RBFOX1: variants seen among roughly 807,000 people sequenced by gnomAD.
RBFOX1 encodes RNA binding fox-1 homolog 1, also known as RNA binding protein fox-1 homolog 1.
A neutral mutation model predicts 57.7 loss-of-function variants in RBFOX1; 8 were observed. The ratio of observed to expected loss-of-function variants is 0.14; its 90% CI spans 0.08 to 0.25. The LOEUF (loss-of-function observed/expected upper bound fraction) is 0.25. Ranked by LOEUF, RBFOX1 falls within the 10% of genes least tolerant of loss-of-function variation. The probability of loss-of-function intolerance (pLI) is 1.00; values close to 1 mark genes in which losing one functional copy is unlikely to be tolerated. For missense variants in RBFOX1, 611 were observed against 548.5 expected (o/e 1.11, Z -1.14); for synonymous variants, 326 against 222.4 (o/e 1.47, Z -4.15).
rs547710461 is a variant in RBFOX1 at position 5,369,197 on chromosome 16, T to C, written c.220-98019T>C. On this transcript the variant is annotated intron_variant, in intron 1 of 2. Coordinates refer to the RBFOX1 transcript ENST00000585867. ...TTGTATTTTTAGTGGAGACTGGGTT[T>C]TACCATGTTGGCCAGGATGGTCTTG... Among the ~76,000 whole-genome samples, 13 of 152,300 alleles carry C rather than the reference T, an allele frequency of 8.5e-5. No individual in the cohort carries two copies. The East Asian group carries it at 2.3e-3, about 27-fold the overall frequency.
At chr16:7,300,925 C>G (rs1372344829) in intron 4 of RBFOX1, among the ~76,000 whole-genome samples, 2 of 152,068 alleles carry the variant, frequency 1.3e-5, no homozygotes, top group Non-Finnish European at 2.9e-5. Context: ...CAGGGTGGCC[C>G]TTGAATGCAT....
intron 3 of RBFOX1, among the ~76,000 whole-genome samples, chr16:6,986,561 G>C (rs1442940414): frequency 6.6e-6 from 1 of 152,120 alleles, no homozygotes; most frequent in Non-Finnish European, 1.5e-5. Flanking sequence ...CAAAGTGCTG[G>C]GATTGTAGGC....
At chr16:6,598,566 T>C (rs1401566440) in intron 2 of RBFOX1, among the ~76,000 whole-genome samples, 2 of 152,228 alleles carry the variant, frequency 1.3e-5, no homozygotes, top group Non-Finnish European at 2.9e-5. Context: ...AGAAACACTT[T>C]AAAAGTTCAA....
chr16:6,531,222 A>G (rs1012303083), intron 2 of RBFOX1, among the ~76,000 whole-genome samples: 3 of 152,154 alleles, frequency 2.0e-5, no homozygotes, highest in Admixed American at 2.0e-4. Flanking sequence ...GCTCAGGGAC[A>G]TCTCTGAGAC....
chr16:5,678,111 C>T (rs1198440307), intron 3 of RBFOX1, among the ~76,000 whole-genome samples: 1 of 152,176 alleles, frequency 6.6e-6, no homozygotes, highest in East Asian at 1.9e-4. Flanking sequence ...ACTCATTCCT[C>T]TCCTCACCTC....
intron 1 of RBFOX1, among the ~76,000 whole-genome samples, chr16:6,031,930 C>G (rs142744426): frequency 2.0e-5 from 3 of 152,168 alleles, no homozygotes; most frequent in South Asian, 4.1e-4. Flanking sequence ...TACAGTCTCA[C>G]GAGAAAGGGG....
At chr16:5,748,922 G>A (rs2053086803) in intron 3 of RBFOX1, among the ~76,000 whole-genome samples, 1 of 152,186 alleles carries the variant, frequency 6.6e-6, no homozygotes, top group Non-Finnish European at 1.5e-5. Context: ...TATGATGTTA[G>A]CTGGTTATTT....
At position 7,332,918 on chromosome 16, in the gene RBFOX1, C is replaced by T. The variant is rs191528660; in HGVS notation, c.28-185229C>T. 339 of 1,597,020 alleles carry T rather than the reference C, an allele frequency of 2.1e-4. 1 individual carries two copies. The Admixed American group carries it at 5.4e-3, about 26-fold the overall frequency. On this transcript the variant is annotated intron_variant, in intron 4 of 15. Coordinates refer to ENST00000550418, the MANE Select transcript of RBFOX1 (RefSeq NM_018723.4). ...GGATTTGGCTCCCAGCTTTGTAGTT[C>T]GGAAGAAGTTGGGTCTATAGATTTC...
At chr16:7,155,129 T>A (rs543581137) in intron 4 of RBFOX1, among the ~76,000 whole-genome samples, 12 of 152,192 alleles carry the variant, frequency 7.9e-5, no homozygotes, top group African/African-American at 2.9e-4. Context: ...GATAAACAAC[T>A]GTTATCAGCC....
At chr16:5,786,633 TCTC>T (rs2054509235) in intron 3 of RBFOX1, among the ~76,000 whole-genome samples, 1 of 152,084 alleles carries the variant, frequency 6.6e-6, no homozygotes, top group Non-Finnish European at 1.5e-5. Context: ...TGAGGTTCAT[TCTC>T]CTTAGCATGC....
chr16:6,881,788 C>A (rs983058476), intron 3 of RBFOX1, among the ~76,000 whole-genome samples: 1 of 152,146 alleles, frequency 6.6e-6, no homozygotes, highest in Non-Finnish European at 1.5e-5. Flanking sequence ...CCACTGGAGC[C>A]TCAATGCAAC....
At chr16:7,045,262 T>G (rs1486146026) in intron 3 of RBFOX1, among the ~76,000 whole-genome samples, 1 of 151,912 alleles carries the variant, frequency 6.6e-6, no homozygotes, top group Non-Finnish European at 1.5e-5. Flanking sequence ...ATTTATGAAA[T>G]GGAACAGGTG....
At chr16:5,670,174 G>A (rs981605272) in intron 3 of RBFOX1, among the ~76,000 whole-genome samples, 1 of 152,156 alleles carries the variant, frequency 6.6e-6, no homozygotes, top group Admixed American at 6.5e-5. Context: ...GGGGGCTGGG[G>A]GCTGGGGGAG....
chr16:6,077,702 T>TTATTTATTCATTTATG (rs2095928304), intron 1 of RBFOX1, among the ~76,000 whole-genome samples: 1 of 151,588 alleles, frequency 6.6e-6, no homozygotes, highest in African/African-American at 2.4e-5. Flanking sequence ...ATTTATTTAT[T>TTATTTATTCATTTATG]TATTTATTCA....
intron 1 of RBFOX1, among the ~76,000 whole-genome samples, chr16:6,025,072 C>G (rs1477278936): frequency 2.0e-5 from 3 of 152,108 alleles, no homozygotes; most frequent in African/African-American, 7.2e-5. Context: ...TAATGGGAAA[C>G]CATTGGGGGA....
intron 3 of RBFOX1, among the ~76,000 whole-genome samples, chr16:5,863,473 C>T (rs1390791437): frequency 2.0e-5 from 3 of 152,216 alleles, no homozygotes; most frequent in African/African-American, 4.8e-5. Flanking sequence ...CTCCATCCTC[C>T]AGCAGGCCTC....
chr16:6,394,871 G>A (rs750903520), intron 2 of RBFOX1, among the ~76,000 whole-genome samples: 1 of 152,170 alleles, frequency 6.6e-6, no homozygotes, highest in Non-Finnish European at 1.5e-5. Flanking sequence ...AAATCTCACA[G>A]CTGTGTATCG....
At chr16:5,843,469 TTC>T (rs1448882583) in intron 3 of RBFOX1, among the ~76,000 whole-genome samples, 3 of 152,184 alleles carry the variant, frequency 2.0e-5, no homozygotes, top group Non-Finnish European at 4.4e-5. Context: ...CATGATCTCG[TTC>T]TTTCTTATGG....
chr16:5,911,656 C>T (rs1029912155), intron 4 of RBFOX1, among the ~76,000 whole-genome samples: 3 of 152,154 alleles, frequency 2.0e-5, no homozygotes, highest in Non-Finnish European at 4.4e-5. Context: ...AGGGCCACTT[C>T]TAAACAGCAG....
Sources: gnomAD v4.1 joint callset for allele counts (sites outside exome capture counted in the v4.1 genomes callset) on GRCh38, gnomAD v4.1.1 for gene constraint, MANE v1.5 for transcripts, NCBI Gene and HGNC (gene_info 2026-07-23, HGNC 2026-07-21) for gene names.